Variants in SLC16A12 observed in about 807,000 individuals in gnomAD.
SLC16A12 encodes the protein monocarboxylate transporter 12.
Under a neutral mutation model 42.4 loss-of-function variants are expected in SLC16A12, and 17 were observed. That is an observed-to-expected ratio of 0.40 (90% CI 0.27 to 0.60). The LOEUF is 0.60. Among genes scored for constraint, SLC16A12 ranks in the 20% least tolerant of loss-of-function variants. The pLI, the probability that SLC16A12 is intolerant of heterozygous loss-of-function variation, is 0.42. For synonymous variants in SLC16A12, 224 were observed against 229.4 expected, an observed-to-expected ratio of 0.98 and a Z score of 0.21; for missense variants, 544 against 623.0, an observed-to-expected ratio of 0.87 and a Z score of 1.35.
chr10:89,500,741 A>T (rs1842981685), intron 2 of SLC16A12, among the ~76,000 whole-genome samples: 1 of 152,082 alleles, frequency 6.6e-6, no homozygotes. Context: ...TGGAACAAGG[A>T]TGTCCACTCT....
intron 2 of SLC16A12, among the ~76,000 whole-genome samples, chr10:89,547,651 G>A (rs1423854111): frequency 6.6e-6 from 1 of 152,142 alleles, no homozygotes; most frequent in Non-Finnish European, 1.5e-5. Context: ...CAAAAGAAAA[G>A]GGTACATGAT....
At chr10:89,489,795 C>T (rs533669617) in intron 2 of SLC16A12, among the ~76,000 whole-genome samples, 11 of 152,008 alleles carry the variant, frequency 7.2e-5, no homozygotes, top group African/African-American at 2.7e-4. Flanking sequence ...GTGTTTATAC[C>T]TGTAAACACA....
In SLC16A12 at chr10:89,438,908, A is replaced by C. The variant is rs778792734; in HGVS notation, c.724T>G (p.Cys242Gly). The change falls in exon 6 of 8, where the codon TGT becomes GGT. Residue 242 changes from cysteine (C) to glycine (G), a missense_variant. Coordinates refer to ENST00000371790, the MANE Select transcript of SLC16A12 (RefSeq NM_213606.4). ...DHTTPEQNHV[C>G]RTQKEDIKRV... is the part of the protein sequence containing the mutation. Reference sequence around the variant, plus strand: ...TTAATGTCTTCTTTCTGAGTTCTACACACATGGTTCTGCTCTGGAGTTGTG... The same window carrying C: ...TTAATGTCTTCTTTCTGAGTTCTACCCACATGGTTCTGCTCTGGAGTTGTG... The C allele has an allele frequency of 5.0e-6, 8 of 1,614,080 alleles. No homozygotes were observed. The African/African-American group carries it at 5.3e-5, about 11-fold the overall frequency.
At chr10:89,462,248 C>T (rs1301020821) in intron 3 of SLC16A12, 131 bp downstream of exon 3, 59 of 1,293,394 alleles carry the variant, frequency 4.6e-5, no homozygotes, top group South Asian at 3.4e-4. Flanking sequence ...GAAGAGTCAA[C>T]GGAAATACAC....
At chr10:89,532,996 C>G (rs1414899195) in intron 2 of SLC16A12, among the ~76,000 whole-genome samples, 1 of 152,168 alleles carries the variant, frequency 6.6e-6, no homozygotes, top group Admixed American at 6.5e-5. Context: ...AGTTTAGTCA[C>G]CAAGGTGATC....
chr10:89,451,225 C>G, intron 3 of SLC16A12, among the ~76,000 whole-genome samples: 1 of 152,176 alleles, frequency 6.6e-6, no homozygotes, highest in Non-Finnish European at 1.5e-5. Context: ...CACTCTCCCT[C>G]TCCTCCCCAG....
chr10:89,488,777 G>T (rs928175172), intron 2 of SLC16A12, among the ~76,000 whole-genome samples: 2 of 152,214 alleles, frequency 1.3e-5, no homozygotes, highest in African/African-American at 4.8e-5. Context: ...AGCCTAGGAT[G>T]CAGAGAGCTC....
chr10:89,513,007 CA>C (rs1255134409), intron 2 of SLC16A12, among the ~76,000 whole-genome samples: 1 of 152,112 alleles, frequency 6.6e-6, no homozygotes, highest in East Asian at 1.9e-4. Flanking sequence ...GAGGACTACT[CA>C]GTGTGGAAAA....
upstream of SLC16A12, among the ~76,000 whole-genome samples, chr10:89,538,036 C>T (rs1843691937): frequency 6.6e-6 from 1 of 152,248 alleles, no homozygotes. Flanking sequence ...TTCTGTGTGC[C>T]TACCCCTTTG....
rs1841856984 is a variant in SLC16A12, at chr10:89,439,034, G to C, written c.598C>G (p.Gln200Glu). 1 of 1,614,004 alleles carries C rather than the reference G, an allele frequency of 6.2e-7. No individual in the cohort carries two copies. Among genetic ancestry groups the C allele is most frequent in the African/African-American group, 1.3e-5 (1 of 75,018 alleles). ...AGTAAGGCTCCCCGCCAGGAAAACT[G>C]TTCAATAAGGAGCTGAACCACAGGA... ...LAPVVQLLIE[Q>E]FSWRGALLIL... Residue 200 changes from glutamine (Q) to glutamate (E), a missense_variant, in exon 6 of 8, where the codon CAG becomes GAG. By Grantham distance (29) the Gln-to-Glu change is conservative. Transcript: ENST00000371790.
At chr10:89,462,328 GA>G in intron 3 of SLC16A12, 50 bp downstream of exon 3, 1 of 1,612,276 alleles carries the variant, frequency 6.2e-7, no homozygotes, top group African/African-American at 1.3e-5. Flanking sequence ...AGATTTAAAA[GA>G]AAAGACAGGC....
At chr10:89,460,229 C>A (rs764245934) in intron 3 of SLC16A12, among the ~76,000 whole-genome samples, 2 of 152,038 alleles carry the variant, frequency 1.3e-5, no homozygotes, top group Non-Finnish European at 2.9e-5. Context: ...TATGAAGGAC[C>A]AAGGATAGGG....
intron 2 of SLC16A12, among the ~76,000 whole-genome samples, chr10:89,495,841 C>A (rs1441659302): frequency 5.9e-5 from 9 of 152,182 alleles, no homozygotes; most frequent in Admixed American, 5.9e-4. Flanking sequence ...CTACATATCA[C>A]TAGCTCAAAA....
intron 2 of SLC16A12, among the ~76,000 whole-genome samples, chr10:89,485,945 ACCTTTGGGAATATAAACTT>A (rs955706214): frequency 4.6e-5 from 7 of 152,228 alleles, no homozygotes; most frequent in Non-Finnish European, 4.4e-5. Flanking sequence ...TAAGAAAAGT[ACCTTTGGGAATATAAACTT>A]CCTTGGTAAG....
chr10:89,539,810 T>C (rs933201516), upstream of SLC16A12, among the ~76,000 whole-genome samples: 6 of 152,156 alleles, frequency 3.9e-5, no homozygotes, highest in Admixed American at 3.9e-4. Context: ...GGGCAATACA[T>C]GGACAAGGAA....
At chr10:89,474,102 G>A (rs1474276371) in intron 2 of SLC16A12, among the ~76,000 whole-genome samples, 5 of 152,044 alleles carry the variant, frequency 3.3e-5, no homozygotes, top group Admixed American at 2.0e-4. Context: ...TTCCCCACCT[G>A]AATTACCTAT....
In SLC16A12 at chr10:89,433,120, C is replaced by A; in HGVS notation, c.1495G>T (p.Asp499Tyr). The A allele has an allele frequency of 6.2e-7, 1 of 1,614,200 alleles. No individual in the cohort carries two copies. The highest frequency in any genetic ancestry group is 1.7e-5 in the Admixed American group (1 of 60,016). Residue 499 changes from aspartate (D) to tyrosine (Y), a missense_variant, in exon 8 of 8, where the codon GAT becomes TAT. Physicochemically the swap from Asp to Tyr is radical, Grantham distance 160. Transcript: ENST00000371790. ...GCCACAGGCTCCCCATGTTTCTGAT[C>A]TAATTCTCTTGCCACAGAATAAGCC... is the stretch of plus-strand genomic sequence containing the variant. ...SVAYSVAREL[D>Y]QKHGEPVATA...
chr10:89,478,003 T>C (rs2133780986), intron 2 of SLC16A12, among the ~76,000 whole-genome samples: 1 of 152,118 alleles, frequency 6.6e-6, no homozygotes. Context: ...AATAAAGACA[T>C]TGTTTATAAA....
At chr10:89,534,080 C>T (rs1843606163) in intron 2 of SLC16A12, among the ~76,000 whole-genome samples, 2 of 152,188 alleles carry the variant, frequency 1.3e-5, no homozygotes. Flanking sequence ...AGTAGATGGT[C>T]TCCAAAGCCT....
Sources: gnomAD v4.1 joint callset for allele counts (sites outside exome capture counted in the v4.1 genomes callset) on GRCh38, gnomAD v4.1.1 for gene constraint, MANE v1.5 for transcripts, NCBI Gene and HGNC (gene_info 2026-07-23, HGNC 2026-07-21) for gene names.